The following C6orf52 variants were observed in gnomAD, a reference collection of about 807,000 sequenced individuals.
C6orf52 encodes the protein chromosome 6 open reading frame 52, also known as putative uncharacterized protein C6orf52.
In C6orf52, 16 loss-of-function variants were observed where a neutral mutation model predicts 16.6. The ratio of observed to expected loss-of-function variants is 0.96; its 90% confidence interval spans 0.65 to 1.46. The LOEUF is 1.46. Ranked by LOEUF, C6orf52 falls within the 40% of genes most tolerant of loss-of-function variation. The pLI, the probability that C6orf52 is intolerant of heterozygous loss-of-function variation, is 0.00. For missense variants in C6orf52, 166 were observed against 182.3 expected, an observed-to-expected ratio of 0.91 and a Z score of 0.52; for synonymous variants, 53 against 61.4, an observed-to-expected ratio of 0.86 and a Z score of 0.64.
At chr6:10,689,068 C>T (rs12664356) in intron 1 of C6orf52, among the ~76,000 whole-genome samples, 12,010 of 152,272 alleles carry the variant, frequency 0.079, 1,385 homozygotes, top group African/African-American at 0.26. Flanking sequence ...ACCTGTGCCT[C>T]CCAGGTGCAA....
Position 10,687,562 on chromosome 6 carries a change from C to G in C6orf52, c.-11-1G>C. The G allele has an allele frequency of 6.5e-7, 1 of 1,544,224 alleles. No homozygotes were observed. Among genetic ancestry groups the G allele is most frequent in the Non-Finnish European group, 8.8e-7 (1 of 1,141,558 alleles). On this transcript the variant is annotated splice_acceptor_variant, in intron 1 of 4. Coordinates refer to ENST00000259983, the MANE Select transcript of C6orf52 (RefSeq NM_001145020.3). LOFTEE classifies it low-confidence loss of function (5UTR_SPLICE). ...TCTGGTTGGGCCATTTACCCAGAAA[C>G]TTTACAAAAAGAGAGCAGAATCCAG...
intron 4 of C6orf52, among the ~76,000 whole-genome samples, chr6:10,676,843 A>C (rs541355496): frequency 3.3e-5 from 5 of 152,018 alleles, no homozygotes; most frequent in African/African-American, 9.7e-5. Context: ...TCCTTAACCC[A>C]CCCACATGTG....
At chr6:10,684,653 C>T (rs1318296082) in intron 3 of C6orf52, among the ~76,000 whole-genome samples, 1 of 152,166 alleles carries the variant, frequency 6.6e-6, no homozygotes, top group Non-Finnish European at 1.5e-5. Flanking sequence ...ACATCCACCT[C>T]CACAACGTGA....
chr6:10,686,842 C>A, intron 3 of C6orf52, 124 bp downstream of exon 3: 1 of 695,838 alleles, frequency 1.4e-6, no homozygotes, highest in Non-Finnish European at 2.4e-6. Context: ...AGTATTAAAA[C>A]AGGTAGCAAA....
At chr6:10,672,685 C>T in intron 4 of C6orf52, 1 of 651,722 alleles carries the variant, frequency 1.5e-6, no homozygotes, top group South Asian at 1.7e-5. Context: ...AGAGAACTTG[C>T]TCACATTCTC....
At chr6:10,690,747 C>T (rs1045469355) in intron 1 of C6orf52, among the ~76,000 whole-genome samples, 2 of 152,136 alleles carry the variant, frequency 1.3e-5, no homozygotes, top group African/African-American at 2.4e-5. Flanking sequence ...AAACAATATC[C>T]TCTCGTGCTT....
chr6:10,678,753 G>C (rs1436670294), intron 4 of C6orf52, among the ~76,000 whole-genome samples: 1 of 152,080 alleles, frequency 6.6e-6, no homozygotes, highest in Non-Finnish European at 1.5e-5. Context: ...ACACCAGCCT[G>C]GGCAACATAG....
intron 4 of C6orf52, 33 bp from the exon 5 acceptor site, chr6:10,671,631 A>G: frequency 7.0e-7 from 1 of 1,426,168 alleles, no homozygotes; most frequent in African/African-American, 1.5e-5. Context: ...TGAAAAAAAT[A>G]GAGTTTTACA....
intron 4 of C6orf52, among the ~76,000 whole-genome samples, chr6:10,679,938 G>A (rs1010784342): frequency 3.9e-5 from 6 of 152,146 alleles, no homozygotes; most frequent in African/African-American, 1.4e-4. Flanking sequence ...ACTGAATTTT[G>A]TCAAATGATT....
At chr6:10,672,113 T>G (rs1177228442) in intron 4 of C6orf52, among the ~76,000 whole-genome samples, 1 of 152,244 alleles carries the variant, frequency 6.6e-6, no homozygotes, top group Non-Finnish European at 1.5e-5. Context: ...TGGAACCCTG[T>G]GACGAGATGG....
Position 10,693,102 on chromosome 6 carries a change from G to A in C6orf52, c.-12+1392C>T, listed in dbSNP as rs144299042. On this transcript the variant is annotated intron_variant, in intron 1 of 4. Transcript: ENST00000259983. ...GTTAAGCCCTATTGTATGTAACTGC[G>A]GGACATGCTCACAGGCCCAGGCACG... Among the ~76,000 whole-genome samples the A allele has an allele frequency of 1.7e-3, 252 of 152,202 alleles. 1 individual carries two copies. Among genetic ancestry groups the A allele is most frequent in the African/African-American group, 5.6e-3 (231 of 41,530 alleles).
chr6:10,674,032 G>A (rs1320379830), intron 4 of C6orf52, among the ~76,000 whole-genome samples: 4 of 152,144 alleles, frequency 2.6e-5, no homozygotes, highest in African/African-American at 7.2e-5. Flanking sequence ...ATTTCTCACA[G>A]TTCTGGAAAC....
intron 3 of C6orf52, among the ~76,000 whole-genome samples, chr6:10,684,636 T>G (rs1768701471): frequency 6.6e-6 from 1 of 152,068 alleles, no homozygotes; most frequent in Non-Finnish European, 1.5e-5. Flanking sequence ...CGAGAATCAT[T>G]TTGGAGACAT....
intron 3 of C6orf52, among the ~76,000 whole-genome samples, chr6:10,685,787 T>C (rs1768827176): frequency 6.6e-6 from 1 of 152,192 alleles, no homozygotes; most frequent in Non-Finnish European, 1.5e-5. Context: ...CCCTATTAGA[T>C]TGGCTAATCA....
At position 10,687,115 on chromosome 6, in the gene C6orf52, A is replaced by C; in HGVS notation, c.121T>G (p.Tyr41Asp). 1 of 1,552,040 alleles carries C rather than the reference A, an allele frequency of 6.4e-7. No homozygotes were observed. The highest frequency in any genetic ancestry group is 8.7e-7 in the Non-Finnish European group (1 of 1,146,980). Residue 41 changes from tyrosine to aspartate, a missense_variant, in exon 3 of 5, where the codon TAC (tyrosine) becomes GAC (aspartate). By Grantham distance (160) the Tyr-to-Asp change is radical. Transcript: ENST00000259983. The stretch of plus-strand genomic sequence containing the variant: ...CGCGCATACCAGTTGCCATAGCGGT[A>C]ACTCTGGCTGGGCTGGAACTCCTGC... ...VKQEFQPSQSYRYGNWYARQH... is the reference protein window; with the variant it reads ...VKQEFQPSQSDRYGNWYARQH...
intron 1 of C6orf52, 37 bp from the exon 2 acceptor site, chr6:10,687,598 T>G: frequency 7.5e-7 from 1 of 1,337,680 alleles, no homozygotes. Flanking sequence ...TTTTTATTCC[T>G]GCGTCAAAAA....
At chr6:10,691,666 C>T (rs1235022440) in intron 1 of C6orf52, among the ~76,000 whole-genome samples, 1 of 152,010 alleles carries the variant, frequency 6.6e-6, no homozygotes, top group Non-Finnish European at 1.5e-5. Flanking sequence ...CCCTTAAAAT[C>T]CTAATGCTCT....
At chr6:10,683,255 G>C in intron 3 of C6orf52, 23 bp from the exon 4 acceptor site, 1 of 1,500,380 alleles carries the variant, frequency 6.7e-7, no homozygotes, top group Non-Finnish European at 9.0e-7. Context: ...ATTATCTCAT[G>C]AGAAAATAAT....
Position 10,686,966 on chromosome 6 carries a change from C to G in C6orf52, c.270G>C (p.Lys90Asn). ...EHTAGTLVMP[K>N]ETTPLAENQD... ...CAAGATTCATTCTAGCAAGGGATAC[C>G]TTAGGCATAACCAGAGTTCCAGCTG... The change falls in exon 3 of 5, where the codon AAG (lysine) becomes AAC (asparagine). Residue 90 changes from lysine (K) to asparagine (N), a missense_variant and splice_region_variant. By Grantham distance (94) the Lys-to-Asn change is moderately conservative (BLOSUM62 0). Transcript: ENST00000259983. 5 of 1,542,308 alleles carry G rather than the reference C, an allele frequency of 3.2e-6. No homozygotes were observed. The highest frequency in any genetic ancestry group is 4.4e-6 in the Non-Finnish European group (5 of 1,142,178).
Sources: gnomAD v4.1 joint callset for allele counts (sites outside exome capture counted in the v4.1 genomes callset) on GRCh38, gnomAD v4.1.1 for gene constraint, MANE v1.5 for transcripts, NCBI Gene and HGNC (gene_info 2026-07-23, HGNC 2026-07-21) for gene names.